RNLS: variants seen among roughly 807,000 people sequenced by gnomAD.
RNLS encodes the protein renalase, FAD dependent amine oxidase.
In RNLS, 39 loss-of-function variants were observed where a neutral mutation model predicts 39.8. That is an observed-to-expected ratio of 0.98 (90% confidence interval 0.76 to 1.28). The LOEUF (loss-of-function observed/expected upper bound fraction) is 1.28. Ranked by LOEUF, RNLS falls within the 50% of genes most tolerant of loss-of-function variation. The pLI, the probability that RNLS is intolerant of heterozygous loss-of-function variation, is 0.00. For missense variants in RNLS, 410 were observed against 413.3 expected (o/e 0.99, Z 0.07); for synonymous variants, 147 against 150.7 (o/e 0.98, Z 0.18).
chr10:88,480,650 G>A (rs1482971326), intron 4 of RNLS, among the ~76,000 whole-genome samples: 3 of 152,144 alleles, frequency 2.0e-5, no homozygotes, highest in Admixed American at 1.3e-4. Flanking sequence ...TCGAACTCCC[G>A]ACCTCAGGTG....
At chr10:88,394,672 G>C (rs1243580785) in intron 4 of RNLS, among the ~76,000 whole-genome samples, 1 of 151,814 alleles carries the variant, frequency 6.6e-6, no homozygotes, top group Non-Finnish European at 1.5e-5. Flanking sequence ...AATACCATTT[G>C]ACCCAGCCAT....
At chr10:88,474,949 G>T (rs75671129) in intron 4 of RNLS, among the ~76,000 whole-genome samples, 3,785 of 152,198 alleles carry the variant, frequency 0.025, 68 homozygotes, top group Middle Eastern at 0.041. Flanking sequence ...ACAAAAACAG[G>T]ATATAAAAAG....
At chr10:88,182,118 C>A in the RNLS span, among the ~76,000 whole-genome samples, 1 of 152,108 alleles carries the variant, frequency 6.6e-6, no homozygotes, top group Non-Finnish European at 1.5e-5. Context: ...GGGGCTCTCT[C>A]CATATACATT....
chr10:88,575,204 A>C (rs369672109), intron 3 of RNLS, among the ~76,000 whole-genome samples: 1 of 33,048 alleles, frequency 3.0e-5, no homozygotes, highest in African/African-American at 1.5e-4. Flanking sequence ...TACTATATAT[A>C]TATGTGTGTG....
At chr10:88,576,036 C>T (rs1850183309) in intron 3 of RNLS, among the ~76,000 whole-genome samples, 1 of 152,184 alleles carries the variant, frequency 6.6e-6, no homozygotes, top group Admixed American at 6.5e-5. Context: ...TCCCTCTTGC[C>T]CACCTTTCAG....
At chr10:88,203,392 A>G in the RNLS span, among the ~76,000 whole-genome samples, 2 of 11,156 alleles carry the variant, frequency 1.8e-4, 1 homozygote, top group Non-Finnish European at 3.9e-4. Context: ...ATATACACGT[A>G]TGTGTATATA....
intron 4 of RNLS, among the ~76,000 whole-genome samples, chr10:88,563,394 T>C (rs1849302274): frequency 6.6e-6 from 1 of 152,160 alleles, no homozygotes; most frequent in South Asian, 2.1e-4. Flanking sequence ...ATCTCCTAAA[T>C]GCCCATCAAA....
chr10:88,192,300 T>A, the RNLS span, among the ~76,000 whole-genome samples: 1 of 152,164 alleles, frequency 6.6e-6, no homozygotes. Flanking sequence ...ATCAAGTGAA[T>A]TAATATTATG....
chr10:88,472,510 G>A (rs946190543), intron 4 of RNLS, among the ~76,000 whole-genome samples: 34 of 152,220 alleles, frequency 2.2e-4, no homozygotes, highest in South Asian at 4.2e-4. Flanking sequence ...AAGAGTTGCC[G>A]AAAATAGGTG....
At chr10:88,322,625 A>T (rs1846268655) in intron 5 of RNLS, among the ~76,000 whole-genome samples, 1 of 152,186 alleles carries the variant, frequency 6.6e-6, no homozygotes, top group Non-Finnish European at 1.5e-5. Context: ...AGCCATGCAG[A>T]ACTGTTAGTC....
At chr10:88,398,392 G>A (rs1852701395) in intron 4 of RNLS, among the ~76,000 whole-genome samples, 1 of 152,004 alleles carries the variant, frequency 6.6e-6, no homozygotes, top group Non-Finnish European at 1.5e-5. Flanking sequence ...TAGGTGGATA[G>A]TGGCCCAGAG....
chr10:88,519,705 ATATATATCACATATATAT>A (rs1412692360), intron 4 of RNLS, among the ~76,000 whole-genome samples: 4 of 147,220 alleles, frequency 2.7e-5, no homozygotes, highest in Non-Finnish European at 5.9e-5. Context: ...TATATATCTG[ATATATATCACATATATAT>A]GATATATATC....
At chr10:88,503,713 T>A (rs1845628457) in intron 4 of RNLS, among the ~76,000 whole-genome samples, 1 of 152,198 alleles carries the variant, frequency 6.6e-6, no homozygotes. Context: ...TGTGGTAGTT[T>A]TCAAGATATG....
intron 5 of RNLS, among the ~76,000 whole-genome samples, chr10:88,330,090 T>A (rs1299061595): frequency 1.0e-4 from 14 of 139,740 alleles, no homozygotes; most frequent in South Asian, 2.2e-4. Flanking sequence ...TATATATATA[T>A]AAATATAAAT....
chr10:88,180,361 A>G, the RNLS span, among the ~76,000 whole-genome samples: 1 of 152,164 alleles, frequency 6.6e-6, no homozygotes, highest in Non-Finnish European at 1.5e-5. Flanking sequence ...TTCTCTTATA[A>G]TTTTGTTTAA....
intron 4 of RNLS, among the ~76,000 whole-genome samples, chr10:88,374,111 T>C (rs182357747): frequency 1.5e-4 from 23 of 152,170 alleles, no homozygotes; most frequent in Admixed American, 2.6e-4. Context: ...ATTATTGTTA[T>C]TGTTGCAGGA....
intron 4 of RNLS, among the ~76,000 whole-genome samples, chr10:88,492,347 G>A (rs1844934884): frequency 6.6e-6 from 1 of 151,960 alleles, no homozygotes; most frequent in Non-Finnish European, 1.5e-5. Flanking sequence ...CTGGAAAATG[G>A]CATGCAAGCT....
the RNLS span, among the ~76,000 whole-genome samples, chr10:88,198,785 T>C: frequency 2.0e-5 from 3 of 152,194 alleles, no homozygotes; most frequent in African/African-American, 7.2e-5. Flanking sequence ...GCTTCCAGTG[T>C]AGCCTGTGAG....
At chr10:88,529,656 T>C (rs1399082099) in intron 4 of RNLS, among the ~76,000 whole-genome samples, 1 of 152,172 alleles carries the variant, frequency 6.6e-6, no homozygotes, top group Non-Finnish European at 1.5e-5. Flanking sequence ...TTTCTGAAGG[T>C]GAGGAAGAGA....
Sources: allele counts gnomAD v4.1 joint callset (sites outside exome capture counted in the v4.1 genomes callset), GRCh38; gene constraint gnomAD v4.1.1; transcripts MANE v1.5; gene names NCBI Gene and HGNC (gene_info 2026-07-23, HGNC 2026-07-21).